The following PP2D1 variants were observed in gnomAD, a reference collection of about 807,000 sequenced individuals.
The protein encoded by PP2D1 is protein phosphatase 2C like domain containing 1.
PP2D1 carries 25 observed loss-of-function variants against 30.2 expected under a neutral mutation model. The observed-to-expected ratio is 0.83, with a 90% CI of 0.60 to 1.16. PP2D1 has a LOEUF of 1.16. Ranked by LOEUF, PP2D1 falls within the 50% of genes most tolerant of loss-of-function variation. PP2D1 has a pLI of 0.00. For synonymous variants in PP2D1, 260 were observed against 258.9 expected (o/e 1.00, Z -0.04); for missense variants, 760 against 742.4 (o/e 1.02, Z -0.28).
chr3:19,997,932 A>G (rs575870611), intron 2 of PP2D1, among the ~76,000 whole-genome samples: 2 of 152,218 alleles, frequency 1.3e-5, no homozygotes, highest in South Asian at 4.2e-4. Context: ...ACAGTGGCTC[A>G]CCCCTGTAAT....
downstream of PP2D1, among the ~76,000 whole-genome samples, chr3:19,980,675 A>G (rs954432381): frequency 6.6e-5 from 10 of 152,180 alleles, no homozygotes; most frequent in African/African-American, 1.9e-4. Flanking sequence ...TTGTTATTAT[A>G]TACAATATAT....
intron 1 of PP2D1, among the ~76,000 whole-genome samples, chr3:20,006,770 C>T (rs778917427): frequency 5.3e-5 from 8 of 151,464 alleles, no homozygotes; most frequent in Non-Finnish European, 8.8e-5. Context: ...TCGGCCCTCC[C>T]GTATACTTGT....
At chr3:19,982,292 G>T (rs548907766), downstream of PP2D1, among the ~76,000 whole-genome samples, 1 of 152,254 alleles carries the variant, frequency 6.6e-6, no homozygotes, top group East Asian at 1.9e-4. Flanking sequence ...TCACAACGAA[G>T]TGTTGAGTAT....
At chr3:20,003,611 G>A (rs1697283140) in intron 1 of PP2D1, among the ~76,000 whole-genome samples, 1 of 151,930 alleles carries the variant, frequency 6.6e-6, no homozygotes, top group African/African-American at 2.4e-5. Flanking sequence ...GAGCGTGGTG[G>A]CTTATGCCTA....
In PP2D1 at chr3:19,985,759, G is replaced by A. The variant is rs76997204; in HGVS notation, c.1514C>T (p.Thr505Ile). 7,731 of 1,536,036 alleles carry A rather than the reference G, an allele frequency of 5.0e-3. 326 individuals are homozygous for A. The African/African-American group carries it at 0.092, about 18-fold the overall frequency. Residue 505 changes from threonine (T) to isoleucine (I), a missense_variant, in exon 3 of 3, where the codon ACT (threonine) becomes ATT (isoleucine). Around this residue, in one of 3 missense-constraint regions of PP2D1, gnomAD observed 369 missense variants for 316.2 expected, o/e 1.17. Coordinates refer to ENST00000389050, the MANE Select transcript of PP2D1 (RefSeq NM_001252657.2). The part of the protein sequence containing the change: ...LLFSTSEPNL[T>I]KSQSNIHVLF... ...TACGTGGATATTACTCTGTGATTTA[G>A]TAAGGTTTGGTTCACTGGTTGAAAA...
intron 1 of PP2D1, among the ~76,000 whole-genome samples, chr3:20,005,144 T>TATA (rs35662929): frequency 0.19 from 23,894 of 123,174 alleles, 2,039 homozygotes; most frequent in Non-Finnish European, 0.26. Flanking sequence ...TATATATACA[T>TATA]TTTTTTTTTT....
Position 19,985,634 on chromosome 3 carries a change from G to A in PP2D1, c.1639C>T (p.Pro547Ser), listed in dbSNP as rs1309339644. The A allele has an allele frequency of 2.0e-6, 3 of 1,535,738 alleles. No homozygotes were observed. The highest frequency in any genetic ancestry group is 2.6e-6 in the Non-Finnish European group (3 of 1,146,652). ...GCTGGAAATGTTTCTACATTCTCAG[G>A]GTTATAAATACAGTATTTAGAATAG... ...SNYSKYCIYN[P>S]ENVETFPAET... The change falls in exon 3 of 3, where the codon CCT becomes TCT. Residue 547 changes from proline to serine, a missense_variant. Physicochemically the swap from Pro to Ser is moderately conservative, Grantham distance 74. This residue lies in a region of PP2D1 where 369 missense variants were observed against 316.2 expected (regional missense o/e 1.17). Coordinates refer to ENST00000389050, the MANE Select transcript of PP2D1 (RefSeq NM_001252657.2).
At chr3:19,999,217 T>G (rs1697220704) in intron 2 of PP2D1, among the ~76,000 whole-genome samples, 1 of 150,632 alleles carries the variant, frequency 6.6e-6, no homozygotes, top group Non-Finnish European at 1.5e-5. Flanking sequence ...GTAGCTGGGA[T>G]TACAGGCATG....
chr3:19,984,666 T>C (rs1185114744), downstream of PP2D1: 1 of 156,412 alleles, frequency 6.4e-6, no homozygotes, highest in Non-Finnish European at 1.4e-5. Context: ...CTAACAATTA[T>C]GTATATTCAA....
intron 1 of PP2D1, among the ~76,000 whole-genome samples, chr3:20,003,509 G>A (rs1358237166): frequency 1.3e-5 from 2 of 151,976 alleles, no homozygotes; most frequent in Non-Finnish European, 1.5e-5. Flanking sequence ...TTGGGAGGCC[G>A]AGGCGGGTGG....
chr3:19,981,993 A>T (rs1696937789), downstream of PP2D1, among the ~76,000 whole-genome samples: 1 of 152,062 alleles, frequency 6.6e-6, no homozygotes, highest in Admixed American at 6.6e-5. Context: ...CTATAATCCC[A>T]ATACTTTGAG....
At chr3:19,992,728 A>G (rs1697133065) in intron 2 of PP2D1, among the ~76,000 whole-genome samples, 1 of 152,228 alleles carries the variant, frequency 6.6e-6, no homozygotes, top group Non-Finnish European at 1.5e-5. Flanking sequence ...CACTGGTTAT[A>G]TAACCTTGTA....
intron 1 of PP2D1, among the ~76,000 whole-genome samples, chr3:20,009,382 G>A (rs1227597380): frequency 2.0e-5 from 3 of 152,068 alleles, no homozygotes; most frequent in Non-Finnish European, 2.9e-5. Context: ...AATTGCTTGA[G>A]CCCAGGATTT....
intron 1 of PP2D1, among the ~76,000 whole-genome samples, chr3:20,007,544 G>A (rs1007508751): frequency 6.6e-5 from 10 of 152,048 alleles, no homozygotes; most frequent in African/African-American, 9.7e-5. Context: ...CGAGGCTGTC[G>A]GATCACCTGA....
chr3:19,998,557 A>T (rs1002417406), intron 2 of PP2D1, among the ~76,000 whole-genome samples: 2 of 152,232 alleles, frequency 1.3e-5, no homozygotes, highest in Admixed American at 1.3e-4. Context: ...AAAATGCCAC[A>T]GGTACCCCAT....
At chr3:19,980,455 C>CT (rs869252193), downstream of PP2D1, among the ~76,000 whole-genome samples, 190 of 118,358 alleles carry the variant, frequency 1.6e-3, no homozygotes, top group Admixed American at 2.3e-3. Context: ...ATTTTTTTTT[C>CT]TTTTTTTTTT....
At chr3:20,009,430 T>C (rs1224008386) in intron 1 of PP2D1, among the ~76,000 whole-genome samples, 1 of 152,054 alleles carries the variant, frequency 6.6e-6, no homozygotes, top group Non-Finnish European at 1.5e-5. Flanking sequence ...CACAATACTC[T>C]AGCCTGGGTG....
At chr3:20,002,529 T>A (rs1351509983) in intron 1 of PP2D1, among the ~76,000 whole-genome samples, 1 of 152,216 alleles carries the variant, frequency 6.6e-6, no homozygotes, top group Non-Finnish European at 1.5e-5. Flanking sequence ...CCTAGTGACA[T>A]CATTGTTGTC....
intron 2 of PP2D1, among the ~76,000 whole-genome samples, chr3:19,988,603 G>A (rs569604858): frequency 8.1e-4 from 123 of 152,148 alleles, no homozygotes; most frequent in Non-Finnish European, 1.5e-3. Context: ...TGTGATCTCT[G>A]TGACCCACAC....
Sources: allele counts gnomAD v4.1 joint callset (sites outside exome capture counted in the v4.1 genomes callset), GRCh38; gene constraint gnomAD v4.1.1; regional missense constraint gnomAD v4.1.1; transcripts MANE v1.5; gene names NCBI Gene and HGNC (gene_info 2026-07-23, HGNC 2026-07-21).